The following LARGE1 variants were observed in gnomAD, a reference collection of about 807,000 sequenced individuals.
The protein encoded by LARGE1 is xylosyl- and glucuronyltransferase LARGE1.
A neutral mutation model predicts 87.6 loss-of-function variants in LARGE1; 43 were observed. That is an observed-to-expected ratio of 0.49 (90% confidence interval 0.38 to 0.63). The LOEUF is 0.63. Among genes scored for constraint, LARGE1 ranks in the 30% least tolerant of loss-of-function variants. The pLI, the probability that LARGE1 is intolerant of heterozygous loss-of-function variation, is 0.00. For synonymous variants in LARGE1, 434 were observed against 394.6 expected, an observed-to-expected ratio of 1.10 and a Z score of -1.18; for missense variants, 802 against 1,000.2, an observed-to-expected ratio of 0.80 and a Z score of 2.67.
At chr22:33,441,293 C>T (rs12168369) in intron 6 of LARGE1, among the ~76,000 whole-genome samples, 5,442 of 151,886 alleles carry the variant, frequency 0.036, 322 homozygotes, top group African/African-American at 0.12. Context: ...AGGCTAGTCT[C>T]GAACTCCTGA....
chr22:33,666,183 G>A (rs2081262072), intron 2 of LARGE1, among the ~76,000 whole-genome samples: 1 of 152,206 alleles, frequency 6.6e-6, no homozygotes, highest in African/African-American at 2.4e-5. Flanking sequence ...ACTTGGTGCA[G>A]AAAGATGAAT....
chr22:33,424,747 C>G (rs903497992), intron 7 of LARGE1, among the ~76,000 whole-genome samples: 13 of 152,166 alleles, frequency 8.5e-5, no homozygotes, highest in African/African-American at 2.9e-4. Context: ...ATCGCTTGAG[C>G]CTGCAAGGTC....
intron 1 of LARGE1, among the ~76,000 whole-genome samples, chr22:33,881,564 G>A (rs960403299): frequency 1.3e-5 from 2 of 152,178 alleles, no homozygotes; most frequent in Non-Finnish European, 2.9e-5. Flanking sequence ...TGTTTCCATG[G>A]CAAATTATCA....
Position 33,867,505 on chromosome 22 carries a change from C to T in LARGE1, c.-83+52490G>A, listed in dbSNP as rs1053987457. The stretch of plus-strand genomic sequence containing the variant: ...CGGACTCACCTGCCGGCCTGAGCAA[C>T]GTGCCTTCTAGCGCTGGTTCTATTA... On this transcript the variant is annotated intron_variant, in intron 1 of 14. Coordinates refer to ENST00000397394, the MANE Select transcript of LARGE1 (RefSeq NM_133642.5). 5.3e-5 allele frequency among the ~76,000 whole-genome samples: 8 copies of T among 152,170 alleles called. 1 individual carries two copies. Among genetic ancestry groups the T allele is most frequent in the East Asian group, 1.9e-4 (1 of 5,178 alleles).
At chr22:33,452,557 C>G (rs2067973783) in intron 6 of LARGE1, among the ~76,000 whole-genome samples, 1 of 152,136 alleles carries the variant, frequency 6.6e-6, no homozygotes, top group Non-Finnish European at 1.5e-5. Flanking sequence ...AGTTTAGTAG[C>G]GAGTGGCAGG....
intron 5 of LARGE1, among the ~76,000 whole-genome samples, chr22:33,565,815 CAG>C (rs1250391725): frequency 3.9e-5 from 6 of 152,198 alleles, no homozygotes; most frequent in Admixed American, 3.3e-4. Context: ...TGCAGGTGGG[CAG>C]AGTCATCAGC....
At position 33,247,271 on chromosome 22, in the gene LARGE1, A is replaced by G. The variant is rs539258875; in HGVS notation, c.1730+56958T>C. Among the ~76,000 whole-genome samples, 11 of 152,326 alleles carry G rather than the reference A, an allele frequency of 7.2e-5. No homozygotes were observed. In the South Asian group the frequency reaches 2.1e-3, roughly 29 times the overall value. On this transcript the variant is annotated intron_variant, in intron 11 of 11. Coordinates refer to the LARGE1 transcript ENST00000608642. ...CTTCAATTACTTAGAATGGATTGAT[A>G]TGTTTCAAAATTGTAGTCAGTATCT...
intron 1 of LARGE1, among the ~76,000 whole-genome samples, chr22:33,806,528 T>A (rs1358261055): frequency 1.3e-5 from 2 of 152,202 alleles, no homozygotes; most frequent in African/African-American, 4.8e-5. Flanking sequence ...CATGGCTGTA[T>A]CATTACATTG....
chr22:33,188,847 G>A (rs1923624562), intron 11 of LARGE1, among the ~76,000 whole-genome samples: 1 of 152,108 alleles, frequency 6.6e-6, no homozygotes, highest in African/African-American at 2.4e-5. Context: ...TGACTTCCAG[G>A]AAGGCACTTG....
chr22:33,903,206 A>G (rs1021193803), intron 1 of LARGE1, among the ~76,000 whole-genome samples: 1 of 152,212 alleles, frequency 6.6e-6, no homozygotes, highest in African/African-American at 2.4e-5. Context: ...TGATGTCCTA[A>G]TAACAGGAAG....
intron 6 of LARGE1, among the ~76,000 whole-genome samples, chr22:33,518,967 C>G (rs1333515861): frequency 1.3e-5 from 2 of 152,144 alleles, no homozygotes; most frequent in Non-Finnish European, 2.9e-5. Flanking sequence ...GACTGTACAA[C>G]TAGCTGACCA....
intron 12 of LARGE1, among the ~76,000 whole-genome samples, chr22:33,297,637 G>T (rs7289096): frequency 0.041 from 5,961 of 146,804 alleles, 165 homozygotes; most frequent in Non-Finnish European, 0.061. Context: ...AGAAGGGTTT[G>T]TCCCCAAGAA....
the LARGE1 span, among the ~76,000 whole-genome samples, chr22:33,099,547 C>T: frequency 1.1e-4 from 16 of 152,184 alleles, no homozygotes; most frequent in Admixed American, 5.9e-4. Context: ...CCACCGCGCC[C>T]GGCGAGGATG....
chr22:33,662,293 C>G (rs1235377592), intron 2 of LARGE1, among the ~76,000 whole-genome samples: 1 of 152,054 alleles, frequency 6.6e-6, no homozygotes, highest in Non-Finnish European at 1.5e-5. Context: ...GTTCTCTTCC[C>G]TTATACTGCA....
chr22:33,147,593 G>A, the LARGE1 span, among the ~76,000 whole-genome samples: 1 of 152,062 alleles, frequency 6.6e-6, no homozygotes, highest in Non-Finnish European at 1.5e-5. Context: ...CCTCACCTAG[G>A]TCTCGCGATT....
At chr22:33,903,601 C>T (rs556073481) in intron 1 of LARGE1, among the ~76,000 whole-genome samples, 24 of 152,206 alleles carry the variant, frequency 1.6e-4, no homozygotes, top group Middle Eastern at 3.4e-3. Flanking sequence ...CCAAGGCAGG[C>T]GGATCACGAG....
At chr22:33,324,303 C>G (rs1170629175) in intron 10 of LARGE1, among the ~76,000 whole-genome samples, 24 of 131,442 alleles carry the variant, frequency 1.8e-4, no homozygotes, top group South Asian at 2.3e-4. Flanking sequence ...CAACCCCCCC[C>G]CCAAAACAAA....
At chr22:33,198,319 C>A (rs1488865929) in intron 11 of LARGE1, among the ~76,000 whole-genome samples, 1 of 98,414 alleles carries the variant, frequency 1.0e-5, no homozygotes, top group African/African-American at 4.5e-5. Flanking sequence ...CAAGCTATGA[C>A]ATAAAATGTA....
At chr22:33,332,080 C>G (rs1031309143) in intron 10 of LARGE1, among the ~76,000 whole-genome samples, 1 of 152,156 alleles carries the variant, frequency 6.6e-6, no homozygotes, top group African/African-American at 2.4e-5. Context: ...TGCTAGAACA[C>G]TAGCCCTGTG....
Sources: gnomAD v4.1 joint callset for allele counts (sites outside exome capture counted in the v4.1 genomes callset) on GRCh38, gnomAD v4.1.1 for gene constraint, MANE v1.5 for transcripts, NCBI Gene and HGNC (gene_info 2026-07-23, HGNC 2026-07-21) for gene names.